Variants in FSTL5 observed in about 807,000 individuals in gnomAD.
FSTL5 encodes the protein follistatin-related protein 5.
In FSTL5, 62 loss-of-function variants were observed where a neutral mutation model predicts 89.1. That is an observed-to-expected ratio of 0.70 (90% CI 0.57 to 0.86). The LOEUF (loss-of-function observed/expected upper bound fraction) is 0.86, where lower values mean the gene tolerates loss of function less well. Among genes scored for constraint, FSTL5 ranks in the 40% least tolerant of loss-of-function variants. The pLI, the probability that FSTL5 is intolerant of heterozygous loss-of-function variation, is 0.00. For missense variants in FSTL5, 1,057 were observed against 1,001.6 expected, an observed-to-expected ratio of 1.06 and a Z score of -0.75; for synonymous variants, 383 against 346.2, an observed-to-expected ratio of 1.11 and a Z score of -1.18.
intron 4 of FSTL5, among the ~76,000 whole-genome samples, chr4:161,817,837 A>C (rs1730373531): frequency 6.6e-6 from 1 of 152,236 alleles, no homozygotes. Context: ...TGTAAATCTT[A>C]GAGTAATATT....
chr4:161,554,338 A>G (rs1202655637), intron 8 of FSTL5, among the ~76,000 whole-genome samples: 2 of 151,578 alleles, frequency 1.3e-5, no homozygotes, highest in African/African-American at 4.8e-5. Flanking sequence ...GAAGAATCTA[A>G]TAGAATTTAT....
chr4:161,780,640 T>C (rs1490546530), intron 4 of FSTL5, among the ~76,000 whole-genome samples: 1 of 152,176 alleles, frequency 6.6e-6, no homozygotes, highest in African/African-American at 2.4e-5. Flanking sequence ...CCATCTGGCC[T>C]TGTGGGTCCT....
chr4:161,704,687 A>G (rs1738511424), intron 6 of FSTL5, among the ~76,000 whole-genome samples: 1 of 152,096 alleles, frequency 6.6e-6, no homozygotes, highest in Non-Finnish European at 1.5e-5. Context: ...CTCATTACAG[A>G]TTGATGGTTA....
chr4:161,486,434 A>G (rs1340745671), intron 12 of FSTL5, among the ~76,000 whole-genome samples: 1 of 152,196 alleles, frequency 6.6e-6, no homozygotes, highest in Non-Finnish European at 1.5e-5. Flanking sequence ...GTCTTAATAT[A>G]TCATTAAATA....
intron 15 of FSTL5, among the ~76,000 whole-genome samples, chr4:161,389,633 T>G (rs1730753466): frequency 6.6e-6 from 1 of 152,142 alleles, no homozygotes; most frequent in South Asian, 2.1e-4. Context: ...AGACCTTACA[T>G]AAATGTGACC....
At chr4:162,019,770 CTGTGTG>C (rs10610828) in intron 3 of FSTL5, among the ~76,000 whole-genome samples, 3 of 148,118 alleles carry the variant, frequency 2.0e-5, no homozygotes, top group African/African-American at 5.0e-5. Flanking sequence ...CTCTCTTTCT[CTGTGTG>C]TGTGTGTGTG....
chr4:161,934,145 T>A lies in FSTL5; in HGVS notation c.161-13493A>T, dbSNP rs558314280. Among the ~76,000 whole-genome samples the A allele has an allele frequency of 2.0e-3, 310 of 152,226 alleles. 1 individual carries two copies. The highest frequency in any genetic ancestry group is 7.1e-3 in the African/African-American group (293 of 41,558). On this transcript the variant is annotated intron_variant, in intron 3 of 15. Coordinates refer to ENST00000306100, the MANE Select transcript of FSTL5 (RefSeq NM_020116.5). ...AAATAGTTACTTATCATGTCCCAGC[T>A]TAAGCATAGTAAGTGATGGAGCCAG...
intron 1 of FSTL5, among the ~76,000 whole-genome samples, chr4:162,113,545 T>C (rs1178172392): frequency 6.6e-6 from 1 of 152,214 alleles, no homozygotes; most frequent in Non-Finnish European, 1.5e-5. Context: ...TATTTTCACG[T>C]ACTTTTAAGA....
At chr4:161,957,441 G>A (rs1406748084) in intron 3 of FSTL5, among the ~76,000 whole-genome samples, 2 of 151,862 alleles carry the variant, frequency 1.3e-5, no homozygotes, top group South Asian at 2.1e-4. Flanking sequence ...TTCTCTCCTG[G>A]GAAGTGGGGT....
At chr4:162,042,709 T>C (rs1273248685) in intron 2 of FSTL5, among the ~76,000 whole-genome samples, 1 of 151,986 alleles carries the variant, frequency 6.6e-6, no homozygotes, top group Non-Finnish European at 1.5e-5. Context: ...AACATTTATT[T>C]CTCAATGTAT....
intron 10 of FSTL5, among the ~76,000 whole-genome samples, chr4:161,525,629 G>C (rs1373141989): frequency 6.6e-6 from 1 of 152,088 alleles, no homozygotes; most frequent in Non-Finnish European, 1.5e-5. Flanking sequence ...TTCCTAAACA[G>C]TTTCTGGATG....
chr4:161,430,058 A>G (rs1041145427), intron 15 of FSTL5, among the ~76,000 whole-genome samples: 4 of 152,142 alleles, frequency 2.6e-5, no homozygotes, highest in Admixed American at 2.6e-4. Context: ...AATTAAAATA[A>G]GTCAAGAAGG....
At chr4:161,803,881 A>G (rs958320300) in intron 4 of FSTL5, among the ~76,000 whole-genome samples, 1 of 152,058 alleles carries the variant, frequency 6.6e-6, no homozygotes, top group African/African-American at 2.4e-5. Context: ...CAAAGTTAAA[A>G]TAAAGGTATA....
At chr4:161,618,840 T>C (rs1734994704) in intron 7 of FSTL5, among the ~76,000 whole-genome samples, 1 of 152,186 alleles carries the variant, frequency 6.6e-6, no homozygotes, top group Non-Finnish European at 1.5e-5. Flanking sequence ...AAAAAACTAC[T>C]TTAAAGTTCA....
chr4:161,396,833 A>G (rs1453468871), intron 15 of FSTL5, among the ~76,000 whole-genome samples: 2 of 152,200 alleles, frequency 1.3e-5, no homozygotes, highest in South Asian at 2.1e-4. Context: ...TGTTGACTAC[A>G]CGGTTTGGAG....
chr4:161,981,493 G>A (rs930411834), intron 3 of FSTL5, among the ~76,000 whole-genome samples: 6 of 152,036 alleles, frequency 3.9e-5, no homozygotes, highest in African/African-American at 1.2e-4. Context: ...TGGAGGTGTC[G>A]GTAACTGGTG....
intron 7 of FSTL5, among the ~76,000 whole-genome samples, chr4:161,621,164 T>C (rs1735106735): frequency 6.6e-6 from 1 of 152,056 alleles, no homozygotes; most frequent in Non-Finnish European, 1.5e-5. Context: ...AAATTAAATC[T>C]TGCAAAGGGT....
rs999401788 is a variant in FSTL5 at position 161,772,351 on chromosome 4, A to G, written c.606+3527T>C. On this transcript the variant is annotated intron_variant, in intron 5 of 15. Coordinates refer to ENST00000306100, the MANE Select transcript of FSTL5 (RefSeq NM_020116.5). ...CCTTTCTCTTTTTATTCTAATTTAA[A>G]TTATTTTAAAATTCAATATTAAAGG... 3.9e-5 allele frequency among the ~76,000 whole-genome samples: 6 copies of G among 152,108 alleles called. No homozygotes were observed. In the East Asian group the frequency reaches 1.2e-3, roughly 29 times the overall value.
chr4:161,565,167 C>G (rs1409275536), intron 8 of FSTL5, among the ~76,000 whole-genome samples: 3 of 151,792 alleles, frequency 2.0e-5, no homozygotes, highest in Non-Finnish European at 4.4e-5. Context: ...TAACAGAAAA[C>G]TAATCAAAGC....
Sources: allele counts gnomAD v4.1 joint callset (sites outside exome capture counted in the v4.1 genomes callset), GRCh38; gene constraint gnomAD v4.1.1; transcripts MANE v1.5; gene names NCBI Gene and HGNC (gene_info 2026-07-23, HGNC 2026-07-21).